RPF1: variants seen among roughly 807,000 people sequenced by gnomAD.
RPF1 encodes ribosome production factor 1.
RPF1 carries 34 observed loss-of-function variants against 41.9 expected under a neutral mutation model. The ratio of observed to expected loss-of-function variants is 0.81; its 90% CI spans 0.62 to 1.08. The LOEUF (loss-of-function observed/expected upper bound fraction) is 1.08, where lower values mean the gene tolerates loss of function less well. Ranked by LOEUF, RPF1 falls within the 50% of genes least tolerant of loss-of-function variation. The pLI is 0.00. For missense variants in RPF1, 425 were observed against 435.2 expected, an observed-to-expected ratio of 0.98 and a Z score of 0.21; for synonymous variants, 140 against 148.9, an observed-to-expected ratio of 0.94 and a Z score of 0.43.
rs746682999 is a variant in RPF1 at position 84,497,513 on chromosome 1, C to T, written c.*43C>T. The T allele has an allele frequency of 5.0e-6, 7 of 1,411,516 alleles. No individual in the cohort carries two copies. The South Asian group carries it at 7.6e-5, about 15-fold the overall frequency. The allele number at this position is 1,411,516 out of a possible 1,614,324, so 87.4% of individuals were successfully genotyped here. A position where few individuals can be genotyped will look rare whatever the true frequency, so the allele number is the denominator to read the frequency against. On this transcript the variant is annotated 3_prime_UTR_variant, in exon 9 of 9. Transcript: ENST00000370654. ...ATTGGATTTTGCTGAACAGGCCTATCTTGAACTTTGGTAAATTATTTTTGA... is the reference window on the plus strand; with the variant it reads ...ATTGGATTTTGCTGAACAGGCCTATTTTGAACTTTGGTAAATTATTTTTGA...
chr1:84,479,772 A>G (rs1170665607), intron 1 of RPF1, among the ~76,000 whole-genome samples: 3 of 152,214 alleles, frequency 2.0e-5, no homozygotes, highest in Non-Finnish European at 2.9e-5. Context: ...GGAAAGCTGT[A>G]AGGCCAGTTG....
intron 3 of RPF1, chr1:84,483,253 GTTTTGTTTTTGT>G: frequency 2.3e-6 from 1 of 433,450 alleles, no homozygotes; most frequent in Non-Finnish European, 4.2e-6. Context: ...ATTTTGGAGG[GTTTTGTTTTTGT>G]TTTTGTTTTT....
Position 84,482,834 on chromosome 1 carries a change from T to C in RPF1, c.286-81T>C, listed in dbSNP as rs1570344833. ...AACAGATTGAGTTTGGGGTTATTTG[T>C]AGCTTTCTGTTATTTTTCTCCAACA... On this transcript the variant is annotated intron_variant, in intron 2 of 8. Transcript: ENST00000370654. 1.3e-5 allele frequency: 11 copies of C among 830,134 alleles called. No individual in the cohort carries two copies. In the East Asian group the frequency reaches 2.8e-4, roughly 21 times the overall value. 51.4% of individuals were successfully genotyped at this position (830,134 alleles called of 1,614,324 possible).
At chr1:84,493,511 G>A (rs1681872852) in intron 5 of RPF1, among the ~76,000 whole-genome samples, 2 of 151,400 alleles carry the variant, frequency 1.3e-5, no homozygotes, top group African/African-American at 4.9e-5. Flanking sequence ...GATTGCTTGA[G>A]CCCGAGAGGT....
At chr1:84,496,486 G>A in intron 8 of RPF1, 116 bp downstream of exon 8, 1 of 846,868 alleles carries the variant, frequency 1.2e-6, no homozygotes, top group Non-Finnish European at 1.8e-6. Flanking sequence ...CCTAGGTGAT[G>A]AAATGATCTG....
At chr1:84,483,968 C>G (rs1414548557) in intron 3 of RPF1, among the ~76,000 whole-genome samples, 1 of 152,158 alleles carries the variant, frequency 6.6e-6, no homozygotes, top group Non-Finnish European at 1.5e-5. Context: ...TAGTCACACA[C>G]ATACACATAC....
At chr1:84,495,755 G>A in intron 6 of RPF1, 127 bp from the exon 7 acceptor site, 1 of 606,544 alleles carries the variant, frequency 1.6e-6, no homozygotes, top group Non-Finnish European at 2.9e-6. Context: ...AGCCATCTGT[G>A]GTAGTTTGTC....
At chr1:84,488,082 T>A (rs12067077) in intron 3 of RPF1, among the ~76,000 whole-genome samples, 10,855 of 152,156 alleles carry the variant, frequency 0.071, 781 homozygotes, top group African/African-American at 0.18. Flanking sequence ...TAATAAGGCT[T>A]CATATCTATA....
chr1:84,485,543 A>G (rs553099782), intron 3 of RPF1, among the ~76,000 whole-genome samples: 1 of 152,336 alleles, frequency 6.6e-6, no homozygotes, highest in African/African-American at 2.4e-5. Flanking sequence ...GAATTTGGGA[A>G]TATTTCAGGT....
At chr1:84,481,066 TG>T in intron 2 of RPF1, 54 bp downstream of exon 2, 1 of 918,542 alleles carries the variant, frequency 1.1e-6, no homozygotes, top group South Asian at 1.5e-5. Context: ...GAATCCCTCC[TG>T]ATATTTAAGT....
rs148330539 is a variant in RPF1 at position 84,489,555 on chromosome 1, C to T, written c.367-78C>T. On this transcript the variant is annotated intron_variant, in intron 3 of 8. Transcript: ENST00000370654. ...GCTAGATACTCAGTGTCCAACAGTC[C>T]TGCTGATGCTACTTTTAGAATTCTG... is the stretch of plus-strand genomic sequence containing the variant. The T allele has an allele frequency of 1.7e-4, 134 of 792,574 alleles. 1 individual carries two copies. In the African/African-American group the frequency reaches 2.1e-3, roughly 13 times the overall value. The allele number at this position is 792,574 out of a possible 1,614,324, so 49.1% of individuals were successfully genotyped here.
At chr1:84,492,315 T>C (rs4907077) in intron 5 of RPF1, among the ~76,000 whole-genome samples, 27,470 of 152,164 alleles carry the variant, frequency 0.18, 2,567 homozygotes, top group South Asian at 0.31. Flanking sequence ...CTAAAGACCA[T>C]TGGAGGGGCT....
chr1:84,493,602 A>G (rs1681875809), intron 5 of RPF1, among the ~76,000 whole-genome samples: 1 of 151,988 alleles, frequency 6.6e-6, no homozygotes, highest in African/African-American at 2.4e-5. Flanking sequence ...AAAAAAAACA[A>G]AAGAAAAAAA....
rs1570354721 is a variant in RPF1, at chr1:84,496,049, C to A, written c.867C>A (p.Phe289Leu). ...TCCACAATCAACGGGATTACATATTCTTCAGATTTCACAGGTGAGGAAGGT... is the reference window on the plus strand; with the variant it reads ...TCCACAATCAACGGGATTACATATTATTCAGATTTCACAGGTGAGGAAGGT... The part of the protein sequence containing the change: ...ATFHNQRDYI[F>L]FRFHRYIFRS... Residue 289 changes from phenylalanine to leucine, a missense_variant, in exon 7 of 9, where the codon TTC (phenylalanine) becomes TTA (leucine). Transcript: ENST00000370654. The A allele has an allele frequency of 5.0e-6, 8 of 1,606,128 alleles. No individual in the cohort carries two copies. Among genetic ancestry groups the A allele is most frequent in the East Asian group, 2.2e-5 (1 of 44,852 alleles).
chr1:84,489,374 A>G (rs562879991), intron 3 of RPF1, among the ~76,000 whole-genome samples: 19 of 152,234 alleles, frequency 1.2e-4, no homozygotes, highest in African/African-American at 4.1e-4. Context: ...AAAGTAGTTC[A>G]AGAGTAAACA....
intron 6 of RPF1, 148 bp downstream of exon 6, chr1:84,495,603 G>T: frequency 1.7e-6 from 1 of 575,972 alleles, no homozygotes; most frequent in Non-Finnish European, 3.0e-6. Flanking sequence ...AATTCTCTTG[G>T]GAGACTGTGG....
chr1:84,485,982 G>C (rs555402687), intron 3 of RPF1, among the ~76,000 whole-genome samples: 16 of 152,128 alleles, frequency 1.1e-4, no homozygotes, highest in Non-Finnish European at 2.4e-4. Flanking sequence ...AGTCAGGGTA[G>C]GCTTTATTGA....
intron 5 of RPF1, among the ~76,000 whole-genome samples, chr1:84,490,933 G>A (rs991296051): frequency 4.6e-5 from 7 of 152,172 alleles, no homozygotes; most frequent in African/African-American, 1.2e-4. Context: ...AGAGAAAAGC[G>A]CTCAGTGCAG....
At chr1:84,491,003 T>C (rs924508742) in intron 5 of RPF1, among the ~76,000 whole-genome samples, 2 of 152,128 alleles carry the variant, frequency 1.3e-5, no homozygotes, top group African/African-American at 4.8e-5. Flanking sequence ...GATCTGCATA[T>C]GGTTTGTTGT....
Sources: allele counts gnomAD v4.1 joint callset (sites outside exome capture counted in the v4.1 genomes callset), GRCh38; gene constraint gnomAD v4.1.1; transcripts MANE v1.5; gene names NCBI Gene and HGNC (gene_info 2026-07-23, HGNC 2026-07-21).